BAZ2B: variants seen among roughly 807,000 people sequenced by gnomAD.
BAZ2B encodes the protein bromodomain adjacent to zinc finger domain 2B.
BAZ2B carries 91 observed loss-of-function variants against 246.0 expected under a neutral mutation model. The observed-to-expected ratio is 0.37, with a 90% CI of 0.31 to 0.44. The LOEUF (loss-of-function observed/expected upper bound fraction) is 0.44, where lower values mean the gene tolerates loss of function less well. BAZ2B is among the 20% of genes least tolerant of loss of function. The probability of loss-of-function intolerance (pLI) is 1.00; values close to 1 mark genes in which losing one functional copy is unlikely to be tolerated. For synonymous variants in BAZ2B, 855 were observed against 860.0 expected (o/e 0.99, Z 0.10); for missense variants, 2,332 against 2,533.7 (o/e 0.92, Z 1.71).
At chr2:159,434,151 A>AATTATTATTATTATT (rs34005325) in intron 8 of BAZ2B, 1 of 150,448 alleles carries the variant, frequency 6.6e-6, no homozygotes, top group African/African-American at 2.4e-5. Context: ...TAAGTCAAAG[A>AATTATTATTATTATT]ATTATTATTA....
intron 2 of BAZ2B, among the ~76,000 whole-genome samples, chr2:159,528,969 T>TG (rs1236496464): frequency 2.6e-4 from 4 of 15,292 alleles, no homozygotes; most frequent in Non-Finnish European, 4.9e-4. Flanking sequence ...TGTGGGGGGG[T>TG]GGGGGTGGGG....
chr2:159,418,824 T>C (rs2068216631), intron 13 of BAZ2B, among the ~76,000 whole-genome samples: 1 of 152,202 alleles, frequency 6.6e-6, no homozygotes, highest in Non-Finnish European at 1.5e-5. Context: ...GTACTGTCCT[T>C]CTTGAATGCT....
chr2:159,644,661 CTT>C, the BAZ2B span, among the ~76,000 whole-genome samples: 1 of 152,188 alleles, frequency 6.6e-6, no homozygotes, highest in Non-Finnish European at 1.5e-5. Flanking sequence ...TTCATTCTGT[CTT>C]GTCTTTCTCT....
At chr2:159,462,809 T>G in intron 3 of BAZ2B, 1 of 1,468,112 alleles carries the variant, frequency 6.8e-7, no homozygotes, top group Non-Finnish European at 9.5e-7. Context: ...CTGTTGCCCA[T>G]CGATAGTTTT....
chr2:159,540,386 C>T (rs956404516), intron 2 of BAZ2B, among the ~76,000 whole-genome samples: 2 of 152,092 alleles, frequency 1.3e-5, no homozygotes, highest in African/African-American at 2.4e-5. Context: ...CTGAGGTACA[C>T]AAAAATAAAG....
At chr2:159,661,602 T>C in the BAZ2B span, among the ~76,000 whole-genome samples, 2 of 152,220 alleles carry the variant, frequency 1.3e-5, no homozygotes, top group Admixed American at 6.5e-5. Flanking sequence ...CAAAACCCAG[T>C]GCAATCAGTT....
rs924233927 is a variant in BAZ2B at position 159,319,189 on chromosome 2, A to C, written c.*1076T>G. 6.5e-6 allele frequency: 1 copy of C among 152,774 alleles called. No individual in the cohort carries two copies. The highest frequency in any genetic ancestry group is 1.5e-5 in the Non-Finnish European group (1 of 68,032). The allele number at this position is 152,774 out of a possible 1,614,324, so 9.5% of individuals were successfully genotyped here. A position where few individuals can be genotyped will look rare whatever the true frequency, so the allele number is the denominator to read the frequency against. ...ACACAGTGGTTACAAACGTCTTTTA[A>C]ATTTATTTCTGAGGCAAGGCAAATG... On this transcript the variant is annotated 3_prime_UTR_variant, in exon 37 of 37. Transcript: ENST00000392783. This position sits in a 1 kb window ranked among gnomAD's most constrained non-coding sequence, Gnocchi z 4.0.
Position 159,320,416 on chromosome 2 carries a change from T to C in BAZ2B, c.6356A>G (p.Tyr2119Cys). 6.4e-7 allele frequency: 1 copy of C among 1,559,770 alleles called. No individual in the cohort carries two copies. The highest frequency in any genetic ancestry group is 8.6e-7 in the Non-Finnish European group (1 of 1,163,402). The change falls in exon 37 of 37, where the codon TAT becomes TGT. Residue 2119 changes from tyrosine to cysteine, a missense_variant and splice_region_variant. By Grantham distance (194) the Tyr-to-Cys change is radical (BLOSUM62 -2). This residue lies in a region of BAZ2B where 210 missense variants were observed against 232.5 expected (regional missense o/e 0.90). Transcript: ENST00000392783. ...TIREKLSSGQYPNLETFALDV... is the reference protein window; with the variant it reads ...TIREKLSSGQCPNLETFALDV... ...TAGAGCAAAGGTTTCAAGGTTTGGA[T>C]ACCTGAAAGAAAACAAATAATTAGA...
chr2:159,354,939 A>G (rs1271310047), intron 27 of BAZ2B, among the ~76,000 whole-genome samples: 1 of 152,222 alleles, frequency 6.6e-6, no homozygotes, highest in Non-Finnish European at 1.5e-5. Flanking sequence ...AATGAATGCT[A>G]AAAGTAGCAA....
chr2:159,586,690 G>C (rs1407247516), intron 1 of BAZ2B, among the ~76,000 whole-genome samples: 1 of 152,058 alleles, frequency 6.6e-6, no homozygotes, highest in South Asian at 2.1e-4. Flanking sequence ...GCAACAAAAT[G>C]AGATCCTGTC....
intron 2 of BAZ2B, among the ~76,000 whole-genome samples, chr2:159,543,567 C>T (rs930467633): frequency 7.2e-5 from 10 of 139,312 alleles, no homozygotes; most frequent in South Asian, 2.2e-4. Context: ...GATGGAGTCT[C>T]GCTCTTTTGC....
rs1325914513 is a variant in BAZ2B, at chr2:159,430,802, AT to A, written c.2194+60del. Reference sequence around the variant, plus strand: ...GATCATCTCCAGAACACTCTTATCAATAAAAATTCTTGCTATGGTTTGACTT... The same window carrying A: ...GATCATCTCCAGAACACTCTTATCAAAAAAATTCTTGCTATGGTTTGACTT... On this transcript the variant is annotated intron_variant, in intron 10 of 36. Coordinates refer to ENST00000392783, the MANE Select transcript of BAZ2B (RefSeq NM_013450.4). The A allele has an allele frequency of 2.8e-5, 43 of 1,547,372 alleles. No homozygotes were observed. The African/African-American group carries it at 5.8e-4, about 21-fold the overall frequency.
At chr2:159,629,551 A>T in the BAZ2B span, among the ~76,000 whole-genome samples, 1 of 152,102 alleles carries the variant, frequency 6.6e-6, no homozygotes, top group Non-Finnish European at 1.5e-5. Flanking sequence ...GGAAACCATC[A>T]TTCTCAGCAA....
intron 2 of BAZ2B, among the ~76,000 whole-genome samples, chr2:159,487,509 T>G (rs34486280): frequency 3.9e-5 from 6 of 152,174 alleles, no homozygotes; most frequent in Non-Finnish European, 8.8e-5. Flanking sequence ...AGGAGGCACT[T>G]TCACTGTTCC....
chr2:159,351,231 A>G (rs2149165180), intron 27 of BAZ2B, among the ~76,000 whole-genome samples: 1 of 152,266 alleles, frequency 6.6e-6, no homozygotes, highest in East Asian at 1.9e-4. Context: ...TACTACATAC[A>G]TAATATTCTA....
intron 27 of BAZ2B, among the ~76,000 whole-genome samples, chr2:159,355,898 C>G (rs1406304944): frequency 6.6e-6 from 1 of 152,178 alleles, no homozygotes; most frequent in East Asian, 1.9e-4. Flanking sequence ...CGGGAACTCC[C>G]TCTCCTAGCC....
At chr2:159,538,505 T>G (rs1214831838) in intron 2 of BAZ2B, among the ~76,000 whole-genome samples, 2 of 152,238 alleles carry the variant, frequency 1.3e-5, no homozygotes, top group Non-Finnish European at 2.9e-5. Context: ...TCATTTTCTC[T>G]ATGGTCATGT....
chr2:159,703,369 T>G, the BAZ2B span, among the ~76,000 whole-genome samples: 5 of 151,946 alleles, frequency 3.3e-5, 1 homozygote, highest in African/African-American at 1.2e-4. Flanking sequence ...GCTGGGATTA[T>G]AGGAGTGAGC....
At chr2:159,682,904 A>ACCCCCCCCCCCCCCCCCC in the BAZ2B span, among the ~76,000 whole-genome samples, 1 of 95,344 alleles carries the variant, frequency 1.0e-5, no homozygotes, top group African/African-American at 3.5e-5. Context: ...ATAAACTGCC[A>ACCCCCCCCCCCCCCCCCC]CCCCTCCCCC....
Sources: gnomAD v4.1 joint callset for allele counts (sites outside exome capture counted in the v4.1 genomes callset) on GRCh38, gnomAD v4.1.1 for gene constraint, gnomAD v4.1.1 regional missense constraint, Gnocchi (gnomAD v3.1) non-coding constraint, MANE v1.5 for transcripts, NCBI Gene and HGNC (gene_info 2026-07-23, HGNC 2026-07-21) for gene names.